SHISA9: variants seen among roughly 807,000 people sequenced by gnomAD.
SHISA9 encodes the protein shisa family member 9.
In SHISA9, 13 loss-of-function variants were observed where a neutral mutation model predicts 38.0. The ratio of observed to expected loss-of-function variants is 0.34; its 90% confidence interval spans 0.22 to 0.54. The LOEUF is 0.54. SHISA9 is among the 20% of genes least tolerant of loss of function. The pLI is 0.91. For synonymous variants in SHISA9, 275 were observed against 242.0 expected, an observed-to-expected ratio of 1.14 and a Z score of -1.27; for missense variants, 538 against 575.8, an observed-to-expected ratio of 0.93 and a Z score of 0.67.
chr16:13,023,859 G>A (rs1430457156), intron 2 of SHISA9, among the ~76,000 whole-genome samples: 2 of 152,178 alleles, frequency 1.3e-5, no homozygotes, highest in African/African-American at 4.8e-5. Context: ...GGTTCTGGAG[G>A]TTAGGACATG....
intron 2 of SHISA9, among the ~76,000 whole-genome samples, chr16:12,993,650 T>G (rs758501910): frequency 7.2e-5 from 11 of 152,040 alleles, no homozygotes; most frequent in Admixed American, 6.5e-4. Context: ...CTGCATGGAG[T>G]TTACCCTGTA....
At chr16:13,393,209 C>T in the SHISA9 span, among the ~76,000 whole-genome samples, 1 of 152,170 alleles carries the variant, frequency 6.6e-6, no homozygotes, top group South Asian at 2.1e-4. Context: ...TGAAATACCC[C>T]AAGCAGGGCC....
At chr16:13,179,111 A>G (rs2050756302) in intron 2 of SHISA9, among the ~76,000 whole-genome samples, 1 of 152,154 alleles carries the variant, frequency 6.6e-6, no homozygotes, top group Admixed American at 6.5e-5. Context: ...ATTTGAGGTC[A>G]GGATTTCTAG....
intron 1 of SHISA9, among the ~76,000 whole-genome samples, chr16:12,906,885 C>T (rs984770734): frequency 6.6e-6 from 1 of 152,124 alleles, no homozygotes; most frequent in Non-Finnish European, 1.5e-5. Flanking sequence ...CCAGTTTTGA[C>T]AGTGAAAAAT....
chr16:13,122,359 C>A (rs2050219337), intron 2 of SHISA9, among the ~76,000 whole-genome samples: 1 of 152,172 alleles, frequency 6.6e-6, no homozygotes, highest in African/African-American at 2.4e-5. Flanking sequence ...CTCTGGCAAG[C>A]AGTTATCTTC....
chr16:13,022,468 G>A (rs2072869565), intron 2 of SHISA9, among the ~76,000 whole-genome samples: 1 of 151,986 alleles, frequency 6.6e-6, no homozygotes, highest in African/African-American at 2.4e-5. Context: ...AGTAGCTGGG[G>A]TTACAGGCAT....
At chr16:13,140,708 C>T (rs1024123304) in intron 2 of SHISA9, among the ~76,000 whole-genome samples, 5 of 152,138 alleles carry the variant, frequency 3.3e-5, no homozygotes, top group African/African-American at 1.2e-4. Flanking sequence ...ATTACTGTGA[C>T]AAGTGCAATG....
the SHISA9 span, among the ~76,000 whole-genome samples, chr16:13,325,837 G>T: frequency 6.6e-6 from 1 of 151,372 alleles, no homozygotes; most frequent in Non-Finnish European, 1.5e-5. Context: ...ACTCATAAGT[G>T]GGGGTAAACA....
At position 13,114,916 on chromosome 16, in the gene SHISA9, A is replaced by ATCCATCCG. The variant is rs1160398005; in HGVS notation, c.692-88471_692-88470insGTCCATCC. Among the ~76,000 whole-genome samples, 8 of 151,754 alleles carry ATCCATCCG rather than the reference A, an allele frequency of 5.3e-5. No individual in the cohort carries two copies. In the South Asian group the frequency reaches 1.7e-3, roughly 32 times the overall value. On this transcript the variant is annotated intron_variant, in intron 2 of 4. Transcript: ENST00000558583. The stretch of plus-strand genomic sequence containing the variant: ...TACATCTAACTCCATCCATCCATCC[A>ATCCATCCG]TCCATCCATCCATCCATCCATCCTT...
the SHISA9 span, among the ~76,000 whole-genome samples, chr16:13,292,859 C>T: frequency 1.3e-5 from 2 of 152,136 alleles, no homozygotes; most frequent in Non-Finnish European, 2.9e-5. Flanking sequence ...GAGGGCACTG[C>T]TTCCTTGATC....
At chr16:13,027,687 G>A (rs912206139) in intron 2 of SHISA9, among the ~76,000 whole-genome samples, 2 of 152,096 alleles carry the variant, frequency 1.3e-5, no homozygotes, top group Admixed American at 1.3e-4. Context: ...ATAGTGTTGG[G>A]AGGCTGAGGC....
chr16:13,452,890 C>A, the SHISA9 span, among the ~76,000 whole-genome samples: 5 of 151,416 alleles, frequency 3.3e-5, no homozygotes, highest in East Asian at 2.0e-4. Flanking sequence ...GCTCAAGAAT[C>A]CCTCACATTG....
chr16:13,137,692 G>A (rs2050362294), intron 2 of SHISA9, among the ~76,000 whole-genome samples: 1 of 152,112 alleles, frequency 6.6e-6, no homozygotes, highest in Non-Finnish European at 1.5e-5. Flanking sequence ...TTAACCTTGT[G>A]ATCTGCCCAC....
intron 2 of SHISA9, among the ~76,000 whole-genome samples, chr16:13,061,812 G>A (rs1220552767): frequency 1.3e-5 from 2 of 152,150 alleles, no homozygotes; most frequent in East Asian, 1.9e-4. Flanking sequence ...GAAGTGATGG[G>A]TTGGGCCTCT....
intron 2 of SHISA9, among the ~76,000 whole-genome samples, chr16:13,028,908 A>G (rs2072957683): frequency 6.6e-6 from 1 of 152,076 alleles, no homozygotes; most frequent in Non-Finnish European, 1.5e-5. Flanking sequence ...AACTACATGG[A>G]GTGTGAGTGG....
the SHISA9 span, among the ~76,000 whole-genome samples, chr16:13,251,159 A>G: frequency 6.6e-6 from 1 of 152,198 alleles, no homozygotes; most frequent in Non-Finnish European, 1.5e-5. Flanking sequence ...CACAAGAATC[A>G]AAGATGGCGG....
chr16:13,319,476 T>A, the SHISA9 span, among the ~76,000 whole-genome samples: 22 of 152,266 alleles, frequency 1.4e-4, no homozygotes, highest in African/African-American at 4.8e-4. Flanking sequence ...GAGACGATAA[T>A]GTTTTATCGC....
intron 2 of SHISA9, among the ~76,000 whole-genome samples, chr16:13,154,705 A>G (rs2050528262): frequency 6.6e-6 from 1 of 152,236 alleles, no homozygotes; most frequent in South Asian, 2.1e-4. Context: ...ACCACTAATC[A>G]GCCTGGCTTT....
At chr16:13,037,075 CA>C in intron 2 of SHISA9, among the ~76,000 whole-genome samples, 1 of 144,222 alleles carries the variant, frequency 6.9e-6, no homozygotes, top group African/African-American at 2.6e-5. Context: ...CACACACACA[CA>C]CACACACCAC....
Sources: gnomAD v4.1 joint callset for allele counts (sites outside exome capture counted in the v4.1 genomes callset) on GRCh38, gnomAD v4.1.1 for gene constraint, MANE v1.5 for transcripts, NCBI Gene and HGNC (gene_info 2026-07-23, HGNC 2026-07-21) for gene names.